The following BMPR2 variants were observed in gnomAD, a reference collection of about 807,000 sequenced individuals.
The protein encoded by BMPR2 is bone morphogenetic protein receptor type-2.
Under a neutral mutation model 100.8 loss-of-function variants are expected in BMPR2, and 29 were observed. The observed-to-expected ratio is 0.29, with a 90% confidence interval of 0.21 to 0.39. The LOEUF (loss-of-function observed/expected upper bound fraction) is 0.39, where lower values mean the gene tolerates loss of function less well. Among genes scored for constraint, BMPR2 ranks in the 10% least tolerant of loss-of-function variants. The probability of loss-of-function intolerance (pLI) is 1.00; values close to 1 mark genes in which losing one functional copy is unlikely to be tolerated. For missense variants in BMPR2, 1,011 were observed against 1,274.5 expected, an observed-to-expected ratio of 0.79 and a Z score of 3.15; for synonymous variants, 382 against 442.3, an observed-to-expected ratio of 0.86 and a Z score of 1.71.
chr2:202,500,002 G>A (rs1319153533), intron 3 of BMPR2, among the ~76,000 whole-genome samples: 2 of 152,172 alleles, frequency 1.3e-5, no homozygotes, highest in East Asian at 3.9e-4. Context: ...TGTCCACTAT[G>A]CCGAGGCAAT....
At chr2:202,474,630 T>A (rs1419939591) in intron 3 of BMPR2, 17 of 151,994 alleles carry the variant, frequency 1.1e-4, no homozygotes, top group Admixed American at 1.1e-3. Context: ...GCCATTCTCC[T>A]GCCTCAGCCT....
chr2:202,387,403 G>T (rs920273852), intron 1 of BMPR2, among the ~76,000 whole-genome samples: 32 of 152,288 alleles, frequency 2.1e-4, no homozygotes, highest in African/African-American at 7.5e-4. Flanking sequence ...TTCTGCAGAT[G>T]AGTAAACTGA....
In BMPR2 at chr2:202,503,434, G is replaced by A. The variant is rs905627289; in HGVS notation, c.419-10285G>A. Among the ~76,000 whole-genome samples, 6 of 152,236 alleles carry A rather than the reference G, an allele frequency of 3.9e-5. No individual in the cohort carries two copies. The highest frequency in any genetic ancestry group is 8.8e-5 in the Non-Finnish European group (6 of 68,034). ...GGCGTGCCGCGCTTGCGGGCCAGCC[G>A]GAGTTCCGGTTGGGCATGGGCTTGG... On this transcript the variant is annotated intron_variant, in intron 3 of 12. Transcript: ENST00000374580. The surrounding 1 kb of genome is among the most constrained non-coding windows in gnomAD (Gnocchi z 4.0).
At chr2:202,389,618 A>T (rs1395039297) in intron 1 of BMPR2, among the ~76,000 whole-genome samples, 1 of 151,612 alleles carries the variant, frequency 6.6e-6, no homozygotes, top group East Asian at 1.9e-4. Context: ...AAAATTATAC[A>T]AAGTCATTGT....
rs934859663 is a variant in BMPR2 at position 202,389,298 on chromosome 2, C to T, written c.76+11748C>T. Among the ~76,000 whole-genome samples the T allele has an allele frequency of 3.3e-5, 5 of 151,834 alleles. No individual in the cohort carries two copies. In the South Asian group the frequency reaches 6.2e-4, roughly 19 times the overall value. ...ATCCCAGCACTTTGGGAGGCCAGGGCGGGCAGATCATGAGGTCAGGAGATT... is the reference window on the plus strand; with the variant it reads ...ATCCCAGCACTTTGGGAGGCCAGGGTGGGCAGATCATGAGGTCAGGAGATT... On this transcript the variant is annotated intron_variant, in intron 1 of 12. Coordinates refer to ENST00000374580, the MANE Select transcript of BMPR2 (RefSeq NM_001204.7).
intron 1 of BMPR2, among the ~76,000 whole-genome samples, chr2:202,439,424 T>A (rs999748301): frequency 6.8e-6 from 1 of 147,196 alleles, no homozygotes; most frequent in Non-Finnish European, 1.5e-5. Context: ...GATTTGTTTA[T>A]ATGCAAATCC....
At chr2:202,441,937 G>A (rs961745813) in intron 1 of BMPR2, among the ~76,000 whole-genome samples, 3 of 149,274 alleles carry the variant, frequency 2.0e-5, no homozygotes, top group Non-Finnish European at 2.9e-5. Context: ...GGAGGCTGAG[G>A]CAGGAGAATC....
intron 1 of BMPR2, among the ~76,000 whole-genome samples, chr2:202,423,462 T>C (rs1691312257): frequency 6.6e-6 from 1 of 152,120 alleles, no homozygotes; most frequent in South Asian, 2.1e-4. Flanking sequence ...TAAAAACTTT[T>C]TTCATTGGCC....
intron 1 of BMPR2, among the ~76,000 whole-genome samples, chr2:202,444,585 T>G (rs1044382478): frequency 5.3e-5 from 8 of 150,712 alleles, no homozygotes; most frequent in African/African-American, 2.0e-4. Flanking sequence ...ACTTTTGTGT[T>G]GAAATGTTTT....
At chr2:202,472,629 A>T (rs1006356142) in intron 3 of BMPR2, among the ~76,000 whole-genome samples, 1 of 152,234 alleles carries the variant, frequency 6.6e-6, no homozygotes, top group African/African-American at 2.4e-5. Context: ...ACTGCCCTCT[A>T]GCCTGGGCAA....
At chr2:202,440,356 C>CGGA (rs1691712112) in intron 1 of BMPR2, among the ~76,000 whole-genome samples, 1 of 149,592 alleles carries the variant, frequency 6.7e-6, no homozygotes, top group African/African-American at 2.6e-5. Flanking sequence ...AGGCGCTCCT[C>CGGA]ACATCCCAGA....
At chr2:202,535,674 A>G (rs1356072511) in intron 9 of BMPR2, among the ~76,000 whole-genome samples, 1 of 151,980 alleles carries the variant, frequency 6.6e-6, no homozygotes, top group Non-Finnish European at 1.5e-5. Context: ...CTCACTTCCC[A>G]GACGGGGTGG....
intron 1 of BMPR2, among the ~76,000 whole-genome samples, chr2:202,407,583 A>G (rs1308315129): frequency 6.6e-6 from 1 of 151,602 alleles, no homozygotes; most frequent in East Asian, 2.0e-4. Context: ...CCATCCTGAC[A>G]TGGTGAAACC....
rs1391776571 is a variant in BMPR2 at position 202,563,134 on chromosome 2, G to A, written c.*3188G>A. 2 of 152,072 alleles carry A rather than the reference G, an allele frequency of 1.3e-5. No individual in the cohort carries two copies. Among genetic ancestry groups the A allele is most frequent in the African/African-American group, 2.4e-5 (1 of 41,396 alleles). The allele number at this position is 152,072 out of a possible 1,614,324, so 9.4% of individuals were successfully genotyped here. A position where few individuals can be genotyped will look rare whatever the true frequency, so the allele number is the denominator to read the frequency against. On this transcript the variant is annotated 3_prime_UTR_variant, in exon 13 of 13. Coordinates refer to ENST00000374580, the MANE Select transcript of BMPR2 (RefSeq NM_001204.7). ...ATGACAGGATGTGTAATGGGCTAAC[G>A]TTTATTTAAAAAGTTCAGGCCAGGT...
At chr2:202,491,028 T>A (rs1396685488) in intron 3 of BMPR2, among the ~76,000 whole-genome samples, 1 of 152,156 alleles carries the variant, frequency 6.6e-6, no homozygotes, top group African/African-American at 2.4e-5. Context: ...CTTCCCAGGT[T>A]CAATTGATTC....
At chr2:202,556,678 G>A in intron 12 of BMPR2, 147 bp downstream of exon 12, 1 of 1,077,264 alleles carries the variant, frequency 9.3e-7, no homozygotes, top group Non-Finnish European at 1.4e-6. Flanking sequence ...GGGGCACAGT[G>A]GCTCACACCT....
chr2:202,437,904 G>A (rs12693968), intron 1 of BMPR2, among the ~76,000 whole-genome samples: 46,161 of 150,068 alleles, frequency 0.31, 8,653 homozygotes, highest in African/African-American at 0.43. Flanking sequence ...TTTAGTTATT[G>A]TGAATAATGC....
intron 3 of BMPR2, among the ~76,000 whole-genome samples, chr2:202,501,454 G>C (rs1687388918): frequency 6.6e-6 from 1 of 152,162 alleles, no homozygotes; most frequent in Admixed American, 6.5e-5. Context: ...CAGCTTTAAG[G>C]CTTCCCACAG....
chr2:202,433,286 T>G (rs1178381703), intron 1 of BMPR2, among the ~76,000 whole-genome samples: 1 of 150,482 alleles, frequency 6.6e-6, no homozygotes, highest in African/African-American at 2.5e-5. Context: ...GATAGATATA[T>G]GTATAGATAG....
Sources: gnomAD v4.1 joint callset for allele counts (sites outside exome capture counted in the v4.1 genomes callset) on GRCh38, gnomAD v4.1.1 for gene constraint, Gnocchi (gnomAD v3.1) non-coding constraint, MANE v1.5 for transcripts, NCBI Gene and HGNC (gene_info 2026-07-23, HGNC 2026-07-21) for gene names.